CCPG1: variants seen among roughly 807,000 people sequenced by gnomAD.
CCPG1 encodes cell cycle progression protein 1.
CCPG1 carries 46 observed loss-of-function variants against 81.3 expected under a neutral mutation model. The observed-to-expected ratio is 0.57, with a 90% CI of 0.45 to 0.72. The LOEUF (loss-of-function observed/expected upper bound fraction) is 0.72, where lower values mean the gene tolerates loss of function less well. CCPG1 is among the 30% of genes least tolerant of loss of function. The probability of loss-of-function intolerance (pLI) is 0.00; values close to 1 mark genes in which losing one functional copy is unlikely to be tolerated. For synonymous variants in CCPG1, 330 were observed against 305.2 expected, an observed-to-expected ratio of 1.08 and a Z score of -0.85; for missense variants, 902 against 937.6, an observed-to-expected ratio of 0.96 and a Z score of 0.50.
chr15:55,374,449 G>A (rs2056518681), intron 5 of CCPG1, among the ~76,000 whole-genome samples: 1 of 152,074 alleles, frequency 6.6e-6, no homozygotes, highest in Non-Finnish European at 1.5e-5. Context: ...AGGGAAGAGA[G>A]TTCATAAAGA....
intron 1 of CCPG1, among the ~76,000 whole-genome samples, chr15:55,396,269 T>C (rs937034042): frequency 3.9e-5 from 6 of 152,020 alleles, no homozygotes; most frequent in African/African-American, 1.5e-4. Context: ...GCTTTACTAA[T>C]AGTAATTTAG....
chr15:55,362,902 A>T (rs574426055), intron 7 of CCPG1, among the ~76,000 whole-genome samples: 5 of 152,188 alleles, frequency 3.3e-5, no homozygotes, highest in Admixed American at 3.3e-4. Flanking sequence ...CAAGTTGGAC[A>T]TGGTGGCGTG....
rs893386585 is a variant in CCPG1, at chr15:55,360,317, A to G, written c.1456T>C (p.Leu486=). 1.9e-6 allele frequency: 3 copies of G among 1,613,794 alleles called. No homozygotes were observed. The highest frequency in any genetic ancestry group is 2.2e-5 in the East Asian group (1 of 44,878). The part of the protein sequence containing the change: ...RAKNKSKETF[L]GSVKETFDAM... ...TCAAATGTTTCCTTAACTGAACCCA[A>G]AAATGTTTCCTTTGACTTATTTTTA... The change falls in exon 8 of 9, where the codon TTG becomes CTG. Residue 486 remains leucine, a synonymous_variant. Transcript: ENST00000442196.
At position 55,356,132 on chromosome 15, in the gene CCPG1, T is replaced by G. The variant is rs1484842811; in HGVS notation, c.*88A>C. The G allele has an allele frequency of 1.1e-6, 1 of 933,096 alleles. No homozygotes were observed. The highest frequency in any genetic ancestry group is 1.6e-5 in the South Asian group (1 of 61,596). 57.8% of individuals were successfully genotyped at this position (933,096 alleles called of 1,614,324 possible). On this transcript the variant is annotated 3_prime_UTR_variant, in exon 9 of 9. Transcript: ENST00000442196. ...AGAAACAAAAGAAAAGACATTGTCATCTTGGTAATTTCATTAGTTTCAATA... is the reference window on the plus strand; with the variant it reads ...AGAAACAAAAGAAAAGACATTGTCAGCTTGGTAATTTCATTAGTTTCAATA...
intron 5 of CCPG1, among the ~76,000 whole-genome samples, chr15:55,374,960 C>T (rs1024750930): frequency 1.3e-5 from 2 of 152,198 alleles, no homozygotes; most frequent in African/African-American, 2.4e-5. Flanking sequence ...CCAAAGTGCC[C>T]GGCCCCAAAA....
chr15:55,403,519 C>G (rs2057163945), intron 1 of CCPG1, among the ~76,000 whole-genome samples: 1 of 152,006 alleles, frequency 6.6e-6, no homozygotes, highest in Non-Finnish European at 1.5e-5. Flanking sequence ...AAGAGGTTTC[C>G]ACACATTAAA....
intron 8 of CCPG1, chr15:55,357,997 G>GT (rs1482817313): frequency 6.6e-6 from 1 of 151,956 alleles, no homozygotes; most frequent in African/African-American, 2.4e-5. Flanking sequence ...TAATCACCTA[G>GT]TAGCAGTCTG....
In CCPG1 at chr15:55,356,472, T is replaced by C; in HGVS notation, c.2235-63A>G. 5.2e-6 allele frequency: 7 copies of C among 1,355,698 alleles called. No homozygotes were observed. In the South Asian group the frequency reaches 1.1e-4, roughly 21 times the overall value. 84.0% of individuals were successfully genotyped at this position (1,355,698 alleles called of 1,614,324 possible). A position where few individuals can be genotyped will look rare whatever the true frequency, so the allele number is the denominator to read the frequency against. Reference sequence around the variant, plus strand: ...TTCAATGTATTTAAATTTAAAACAATTTTAAATGTTTTCTCCATTAATCTA... The same window carrying C: ...TTCAATGTATTTAAATTTAAAACAACTTTAAATGTTTTCTCCATTAATCTA... On this transcript the variant is annotated intron_variant, in intron 8 of 8. Coordinates refer to ENST00000442196, the MANE Select transcript of CCPG1 (RefSeq NM_001204450.2).
At chr15:55,394,074 C>CA (rs1326012850) in intron 1 of CCPG1, among the ~76,000 whole-genome samples, 1 of 152,158 alleles carries the variant, frequency 6.6e-6, no homozygotes, top group Non-Finnish European at 1.5e-5. Flanking sequence ...AACACAGCCT[C>CA]AAACTCCCAG....
intron 1 of CCPG1, 36 bp downstream of exon 1, chr15:55,408,184 AC>A: frequency 6.6e-6 from 1 of 152,402 alleles, no homozygotes; most frequent in Non-Finnish European, 1.5e-5. Context: ...GTCGGCACAA[AC>A]CCCCTCCCGG....
chr15:55,399,210 G>T (rs1321459120), intron 1 of CCPG1, among the ~76,000 whole-genome samples: 1 of 152,080 alleles, frequency 6.6e-6, no homozygotes, highest in Non-Finnish European at 1.5e-5. Flanking sequence ...GTTAGGGAAG[G>T]CCTCCTTGAA....
chr15:55,367,206 T>C (rs1272453358), intron 6 of CCPG1, among the ~76,000 whole-genome samples: 1 of 152,212 alleles, frequency 6.6e-6, no homozygotes, highest in African/African-American at 2.4e-5. Flanking sequence ...TTTTCAAATG[T>C]TGAAATTTAT....
intron 5 of CCPG1, among the ~76,000 whole-genome samples, chr15:55,376,391 G>A (rs529612218): frequency 6.6e-6 from 1 of 152,110 alleles, no homozygotes; most frequent in South Asian, 2.1e-4. Context: ...TAAAAATGTG[G>A]CTTACACTAG....
Position 55,359,976 on chromosome 15 carries a change from G to A in CCPG1, c.1797C>T (p.His599=). The A allele has an allele frequency of 1.2e-6, 2 of 1,613,044 alleles. No homozygotes were observed. Among genetic ancestry groups the A allele is most frequent in the Admixed American group, 1.7e-5 (1 of 59,856 alleles). The change falls in exon 8 of 9, where the codon CAC becomes CAT. Residue 599 remains histidine, a synonymous_variant. Transcript: ENST00000442196. ...QNDGRKEKPV[H]FKEFRKNTNS... The stretch of plus-strand genomic sequence containing the variant: ...TTGTATTTTTTCTGAATTCTTTAAA[G>A]TGAACTGGCTTTTCTTTCCTTCCAT...
At chr15:55,378,994 T>C (rs1704492615) in intron 3 of CCPG1, among the ~76,000 whole-genome samples, 1 of 152,038 alleles carries the variant, frequency 6.6e-6, no homozygotes, top group African/African-American at 2.4e-5. Flanking sequence ...CATTAATACC[T>C]AATATGAAAA....
chr15:55,401,120 G>A (rs1381657649), intron 1 of CCPG1, among the ~76,000 whole-genome samples: 1 of 152,038 alleles, frequency 6.6e-6, no homozygotes, highest in Admixed American at 6.6e-5. Context: ...TTTAATTCAT[G>A]CATTTGGATT....
chr15:55,365,210 T>C lies in CCPG1; in HGVS notation c.806A>G (p.Gln269Arg). Reference sequence around the variant, plus strand: ...TACCTTATAATCTATAAAAGATTCTTGTTCCTGTTGACACTGGGAAAGATA... The same window carrying C: ...TACCTTATAATCTATAAAAGATTCTCGTTCCTGTTGACACTGGGAAAGATA... Reference protein sequence around the residue: ...KDYLSQCQQEQESFIDYKSLK... With the variant: ...KDYLSQCQQERESFIDYKSLK... The change falls in exon 7 of 9, where the codon CAA becomes CGA. Residue 269 changes from glutamine (Q) to arginine (R), a missense_variant. By Grantham distance (43) the Gln-to-Arg change is conservative. This residue lies in a region of CCPG1 where 746 missense variants were observed against 728.6 expected (regional missense o/e 1.02). Transcript: ENST00000442196. The C allele has an allele frequency of 6.8e-7, 1 of 1,464,886 alleles. No homozygotes were observed. Among genetic ancestry groups the C allele is most frequent in the Non-Finnish European group, 9.4e-7 (1 of 1,058,646 alleles). 90.7% of individuals were successfully genotyped at this position (1,464,886 alleles called of 1,614,324 possible).
Position 55,359,888 on chromosome 15 carries a change from A to C in CCPG1, c.1885T>G (p.Cys629Gly). Residue 629 changes from cysteine (C) to glycine (G), a missense_variant, in exon 8 of 9, where the codon TGT becomes GGT. Around this residue, in one of 3 missense-constraint regions of CCPG1, gnomAD observed 746 missense variants for 728.6 expected, o/e 1.02. Transcript: ENST00000442196. Reference protein sequence around the residue: ...RENSHSFRKACSGVFDCAQQE... With the variant: ...RENSHSFRKAGSGVFDCAQQE... ...TGAGCACAATCAAATACACCAGAAC[A>C]AGCCTTTCTGAAAGAATGAGAATTT... The C allele has an allele frequency of 6.2e-7, 1 of 1,613,836 alleles. No homozygotes were observed. Among genetic ancestry groups the C allele is most frequent in the Non-Finnish European group, 8.5e-7 (1 of 1,179,986 alleles).
chr15:55,368,688 A>G (rs1360648661), intron 6 of CCPG1, among the ~76,000 whole-genome samples: 1 of 152,248 alleles, frequency 6.6e-6, no homozygotes, highest in East Asian at 1.9e-4. Context: ...TACCTGGAGT[A>G]CACTGCCTCA....
Sources: allele counts gnomAD v4.1 joint callset (sites outside exome capture counted in the v4.1 genomes callset), GRCh38; gene constraint gnomAD v4.1.1; regional missense constraint gnomAD v4.1.1; transcripts MANE v1.5; gene names NCBI Gene and HGNC (gene_info 2026-07-23, HGNC 2026-07-21).